Variants in AGBL1 observed in about 807,000 individuals in gnomAD.
AGBL1 encodes AGBL carboxypeptidase 1, also known as cytosolic carboxypeptidase 4.
Under a neutral mutation model 118.9 loss-of-function variants are expected in AGBL1, and 130 were observed. The ratio of observed to expected loss-of-function variants is 1.09; its 90% CI spans 0.95 to 1.26. AGBL1 has a LOEUF of 1.26. Ranked by LOEUF, AGBL1 falls within the 50% of genes most tolerant of loss-of-function variation. The pLI is 0.00. For missense variants in AGBL1, 1,584 were observed against 1,298.1 expected, an observed-to-expected ratio of 1.22 and a Z score of -3.38; for synonymous variants, 555 against 478.9, an observed-to-expected ratio of 1.16 and a Z score of -2.08.
intron 22 of AGBL1, among the ~76,000 whole-genome samples, chr15:86,806,308 T>C (rs1489156928): frequency 2.0e-5 from 3 of 152,024 alleles, no homozygotes; most frequent in Non-Finnish European, 4.4e-5. Flanking sequence ...CTTAAGCAGA[T>C]TGAGAGGGTG....
chr15:86,398,331 C>A (rs761881116), intron 18 of AGBL1, among the ~76,000 whole-genome samples: 3 of 152,068 alleles, frequency 2.0e-5, no homozygotes, highest in Admixed American at 6.6e-5. Context: ...GATTAACATC[C>A]ACAAAGAGGT....
intron 22 of AGBL1, among the ~76,000 whole-genome samples, chr15:86,717,880 C>A (rs1460730007): frequency 1.3e-4 from 20 of 152,108 alleles, no homozygotes; most frequent in Non-Finnish European, 8.8e-5. Context: ...GAGTTCGAGA[C>A]CAGCCTGACC....
chr15:86,372,964 G>A (rs1175832587), intron 17 of AGBL1, among the ~76,000 whole-genome samples: 1 of 152,188 alleles, frequency 6.6e-6, no homozygotes, highest in Non-Finnish European at 1.5e-5. Context: ...AAAGTGCTGG[G>A]AAGAACTGAT....
chr15:86,623,074 G>C (rs1424530399), intron 21 of AGBL1, among the ~76,000 whole-genome samples: 2 of 152,194 alleles, frequency 1.3e-5, no homozygotes, highest in Non-Finnish European at 2.9e-5. Context: ...AGTAATGCAA[G>C]CGATGGGAGG....
intron 18 of AGBL1, among the ~76,000 whole-genome samples, chr15:86,504,467 T>C (rs2082951696): frequency 6.6e-6 from 1 of 151,766 alleles, no homozygotes; most frequent in Middle Eastern, 3.4e-3. Context: ...GTTTTCCATA[T>C]TTCTATGTGT....
intron 23 of AGBL1, among the ~76,000 whole-genome samples, chr15:86,984,639 C>A (rs1185543200): frequency 1.3e-5 from 2 of 152,180 alleles, no homozygotes; most frequent in South Asian, 4.1e-4. Context: ...GCTGGGGTTA[C>A]AGGCGTGAGC....
chr15:86,298,246 AAT>A (rs59968237), intron 17 of AGBL1, among the ~76,000 whole-genome samples: 2,105 of 69,730 alleles, frequency 0.03, 74 homozygotes, highest in South Asian at 0.077. Flanking sequence ...GTCTGTGTAT[AAT>A]ATATATATAT....
intron 18 of AGBL1, among the ~76,000 whole-genome samples, chr15:86,433,138 A>T (rs1214037016): frequency 6.6e-6 from 1 of 152,164 alleles, no homozygotes; most frequent in Non-Finnish European, 1.5e-5. Context: ...GAGGACTGAG[A>T]AGAAGCCACT....
intron 23 of AGBL1, among the ~76,000 whole-genome samples, chr15:86,982,932 C>T (rs372510475): frequency 3.1e-4 from 47 of 152,258 alleles, no homozygotes; most frequent in African/African-American, 1.1e-3. Flanking sequence ...GCTGTATATT[C>T]TTGAGAACCT....
intron 5 of AGBL1, among the ~76,000 whole-genome samples, chr15:86,164,557 A>G (rs951355367): frequency 6.6e-6 from 1 of 152,186 alleles, no homozygotes; most frequent in African/African-American, 2.4e-5. Context: ...AATAAGGACC[A>G]TTTCCACTGG....
chr15:86,994,497 T>A (rs2081362668), intron 24 of AGBL1, among the ~76,000 whole-genome samples: 1 of 152,102 alleles, frequency 6.6e-6, no homozygotes, highest in African/African-American at 2.4e-5. Flanking sequence ...CCACTCTCCC[T>A]CAAGCCCTAG....
intron 18 of AGBL1, among the ~76,000 whole-genome samples, chr15:86,459,697 G>A (rs1016811469): frequency 6.6e-6 from 1 of 152,026 alleles, no homozygotes; most frequent in African/African-American, 2.4e-5. Flanking sequence ...CTCAACAACA[G>A]AGGCTCAGAA....
chr15:86,837,617 A>G (rs1345806692), intron 22 of AGBL1, among the ~76,000 whole-genome samples: 1 of 152,236 alleles, frequency 6.6e-6, no homozygotes, highest in Non-Finnish European at 1.5e-5. Flanking sequence ...ATACAGCAAT[A>G]TGTACTCAAA....
At chr15:86,482,554 C>G (rs951271338) in intron 18 of AGBL1, among the ~76,000 whole-genome samples, 12 of 152,058 alleles carry the variant, frequency 7.9e-5, no homozygotes, top group African/African-American at 2.9e-4. Flanking sequence ...ATAATTGAAA[C>G]AAACTGCACT....
At chr15:86,423,693 G>A (rs1005887064) in intron 18 of AGBL1, among the ~76,000 whole-genome samples, 7 of 152,142 alleles carry the variant, frequency 4.6e-5, no homozygotes, top group South Asian at 2.1e-4. Context: ...CAAAGTCTCC[G>A]TATACAAAAT....
chr15:86,581,613 G>C (rs1330260054), intron 21 of AGBL1, among the ~76,000 whole-genome samples: 1 of 152,032 alleles, frequency 6.6e-6, no homozygotes, highest in Admixed American at 6.6e-5. Flanking sequence ...AAATCAATTT[G>C]TGTGTCATAA....
chr15:86,807,492 T>G (rs546570821), intron 22 of AGBL1, among the ~76,000 whole-genome samples: 39 of 152,200 alleles, frequency 2.6e-4, no homozygotes, highest in African/African-American at 8.7e-4. Context: ...TTTTTTTTTT[T>G]GCTGTCATTG....
intron 17 of AGBL1, among the ~76,000 whole-genome samples, chr15:86,366,707 C>G (rs2080892804): frequency 6.6e-6 from 1 of 152,280 alleles, no homozygotes; most frequent in South Asian, 2.1e-4. Flanking sequence ...ACAAGTTATG[C>G]CAGAAGCATT....
chr15:86,540,643 C>T (rs1224079218), intron 19 of AGBL1, among the ~76,000 whole-genome samples: 1 of 152,062 alleles, frequency 6.6e-6, no homozygotes, highest in Admixed American at 6.6e-5. Context: ...ACAGTTTCTG[C>T]TTACCTGTTA....
Sources: allele counts gnomAD v4.1 joint callset (sites outside exome capture counted in the v4.1 genomes callset), GRCh38; gene constraint gnomAD v4.1.1; transcripts MANE v1.5; gene names NCBI Gene and HGNC (gene_info 2026-07-23, HGNC 2026-07-21).